Variants in DMBT1 observed in about 807,000 individuals in gnomAD.
DMBT1 encodes the protein deleted in malignant brain tumors 1, also known as scavenger receptor cysteine-rich domain-containing protein DMBT1.
Under a neutral mutation model 252.9 loss-of-function variants are expected in DMBT1, and 198 were observed. The ratio of observed to expected loss-of-function variants is 0.78; its 90% CI spans 0.70 to 0.88. The LOEUF is 0.88. Ranked by LOEUF, DMBT1 falls within the 40% of genes least tolerant of loss-of-function variation. The pLI, the probability that DMBT1 is intolerant of heterozygous loss-of-function variation, is 0.00. For synonymous variants in DMBT1, 990 were observed against 942.7 expected (o/e 1.05, Z -0.92); for missense variants, 2,432 against 2,404.7 (o/e 1.01, Z -0.24).
At chr10:122,625,184 C>T (rs1216256422) in intron 44 of DMBT1, 93 bp from the exon 45 acceptor site, 28 of 1,250,756 alleles carry the variant, frequency 2.2e-5, no homozygotes, top group Middle Eastern at 3.7e-4. Context: ...GGGAGCATTT[C>T]TAAGTGATGA....
intron 21 of DMBT1, among the ~76,000 whole-genome samples, 176 bp from the exon 22 acceptor site, chr10:122,594,320 C>T (rs1409404170): frequency 7.7e-6 from 1 of 129,954 alleles, no homozygotes; most frequent in African/African-American, 2.6e-5. Context: ...CCAGCAGGAC[C>T]TTTGTCCCTG....
In DMBT1 at chr10:122,617,326, A is replaced by T. The variant is rs866548417; in HGVS notation, c.4891+66A>T. 1.2e-5 allele frequency: 18 copies of T among 1,555,922 alleles called. No individual in the cohort carries two copies. The African/African-American group carries it at 2.5e-4, about 21-fold the overall frequency. Reference sequence around the variant, plus strand: ...TGGACATATTTTGTGTTTGAAACTGATAGGATGAGGCTCAAGGTGGGCCCC... The same window carrying T: ...TGGACATATTTTGTGTTTGAAACTGTTAGGATGAGGCTCAAGGTGGGCCCC... On this transcript the variant is annotated intron_variant, in intron 40 of 55. Transcript: ENST00000338354.
chr10:122,584,742 G>A (rs1565673377), intron 14 of DMBT1, among the ~76,000 whole-genome samples: 1 of 149,264 alleles, frequency 6.7e-6, no homozygotes, highest in East Asian at 2.1e-4. Flanking sequence ...CATGGCTGCC[G>A]CCATGGGCAA....
At chr10:122,570,416 T>A (rs1277406825) in intron 3 of DMBT1, among the ~76,000 whole-genome samples, 1 of 152,204 alleles carries the variant, frequency 6.6e-6, no homozygotes, top group Non-Finnish European at 1.5e-5. Context: ...GGGGGCATGG[T>A]CCTCCATGCA....
rs865948575 is a variant in DMBT1, at chr10:122,592,339, C to A, written c.2244C>A (p.Val748=). Residue 748 remains valine, a synonymous_variant, in exon 20 of 56, where the codon GTC becomes GTA. Transcript: ENST00000338354. The part of the protein sequence containing the change: ...GSDRCQGRVE[V]LYRGSWGTVC... ...ACAGGTGTCAGGGCCGAGTAGAGGT[C>A]CTATACCGAGGCTCCTGGGGCACCG... The A allele has an allele frequency of 1.9e-6, 3 of 1,587,948 alleles. No homozygotes were observed. Among genetic ancestry groups the A allele is most frequent in the Admixed American group, 1.7e-5 (1 of 59,528 alleles).
rs779483533 is a variant in DMBT1, at chr10:122,598,900, A to C, written c.3083A>C (p.Asn1028Thr). ...GACAGCTGGGACACCAATGATGCCA[A>C]TGTCGTCTGCAGGCAACTGGGCTGT... is the stretch of plus-strand genomic sequence containing the variant. The part of the protein sequence containing the change: ...CDDSWDTNDA[N>T]VVCRQLGCGW... The change falls in exon 26 of 56, where the codon AAT becomes ACT. Residue 1028 changes from asparagine to threonine, a missense_variant. By Grantham distance (65) the Asn-to-Thr change is moderately conservative. Around this residue, in one of 3 missense-constraint regions of DMBT1, gnomAD observed 1,264 missense variants for 1,082.2 expected, o/e 1.17. Coordinates refer to ENST00000338354, the MANE Select transcript of DMBT1 (RefSeq NM_001377530.1). 1 of 1,613,828 alleles carries C rather than the reference A, an allele frequency of 6.2e-7. No homozygotes were observed. The highest frequency in any genetic ancestry group is 8.5e-7 in the Non-Finnish European group (1 of 1,179,768).
chr10:122,566,853 A>C (rs979733698), intron 2 of DMBT1, among the ~76,000 whole-genome samples: 2 of 152,220 alleles, frequency 1.3e-5, no homozygotes, highest in African/African-American at 4.8e-5. Flanking sequence ...CCCATTTTGC[A>C]GATGGGAAAA....
rs778452960 is a variant in DMBT1 at position 122,585,309 on chromosome 10, G to T, written c.1459G>T (p.Gly487Ter). The T allele has an allele frequency of 6.3e-7, 1 of 1,586,292 alleles. No individual in the cohort carries two copies. The highest frequency in any genetic ancestry group is 1.2e-5 in the South Asian group (1 of 86,840). The change falls in exon 15 of 56, where the codon GGA (glycine) becomes TGA (stop). Residue 487 changes from glycine to a stop codon, truncating the protein, a stop_gained and splice_region_variant. Transcript: ENST00000338354. LOFTEE classifies it high-confidence loss of function. ...CATCACCTTACCTGCATCGACAGTA[G>T]GTAAATAATCCTCTCGCCCCTCCCT... The part of the protein sequence containing the change: ...PTITLPASTV[G>*]SESSLALRLV...
At chr10:122,576,113 T>A (rs2097709583) in intron 6 of DMBT1, among the ~76,000 whole-genome samples, 2 of 152,176 alleles carry the variant, frequency 1.3e-5, no homozygotes, top group African/African-American at 4.8e-5. Context: ...GAGCCCATGG[T>A]CTGCTTAGAG....
chr10:122,565,830 G>T, intron 1 of DMBT1, 137 bp from the exon 2 acceptor site: 1 of 772,636 alleles, frequency 1.3e-6, no homozygotes, highest in African/African-American at 1.7e-5. Flanking sequence ...TAGCAAGAAC[G>T]TCGGGGACAC....
At chr10:122,599,981 C>G (rs371021767) in intron 26 of DMBT1, 83 bp from the exon 27 acceptor site, 7 of 1,546,246 alleles carry the variant, frequency 4.5e-6, no homozygotes, top group Non-Finnish European at 6.2e-6. Context: ...GTGTCAGACT[C>G]GCCCATTTCT....
chr10:122,637,347 C>A (rs914191795), intron 54 of DMBT1, 35 bp downstream of exon 54: 3 of 1,554,436 alleles, frequency 1.9e-6, no homozygotes, highest in East Asian at 2.4e-5. Context: ...TTTCCCAGTG[C>A]ACAAGCTTTC....
intron 10 of DMBT1, 66 bp downstream of exon 10, chr10:122,579,967 T>G (rs1292683233): frequency 2.5e-6 from 4 of 1,609,638 alleles, no homozygotes; most frequent in Non-Finnish European, 3.4e-6. Context: ...AACTCCTAAT[T>G]ACATTCTGAT....
chr10:122,621,292 G>C lies in DMBT1; in HGVS notation c.5520G>C (p.Gly1840=). 6.2e-7 allele frequency: 1 copy of C among 1,613,826 alleles called. No individual in the cohort carries two copies. Among genetic ancestry groups the C allele is most frequent in the Non-Finnish European group, 8.5e-7 (1 of 1,179,734 alleles). ...PIVLDDVRCS[G]NESYLWSCPH... ...TCCTGGATGATGTGCGCTGCTCAGG[G>C]AATGAGTCCTACCTGTGGAGCTGCC... Residue 1840 remains glycine, a synonymous_variant, in exon 44 of 56, where the codon GGG becomes GGC. Coordinates refer to ENST00000338354, the MANE Select transcript of DMBT1 (RefSeq NM_001377530.1).
chr10:122,589,344 C>T (rs2097826245), intron 17 of DMBT1, 77 bp downstream of exon 17: 2 of 1,563,114 alleles, frequency 1.3e-6, no homozygotes, highest in Admixed American at 1.7e-5. Context: ...TTCTAATCTC[C>T]TCACTCAGAG....
At chr10:122,623,192 A>G (rs191945588) in intron 44 of DMBT1, among the ~76,000 whole-genome samples, 1 of 152,342 alleles carries the variant, frequency 6.6e-6, no homozygotes, top group Admixed American at 6.5e-5. Flanking sequence ...TTCACTTAAC[A>G]TAATGTTTTC....
At chr10:122,631,908 G>T (rs1337728444) in intron 50 of DMBT1, 33 bp downstream of exon 50, 2 of 1,608,944 alleles carry the variant, frequency 1.2e-6, no homozygotes, top group South Asian at 2.2e-5. Context: ...CCACTTCCCT[G>T]GTCTCCAGGT....
chr10:122,579,952 A>G (rs983829729), intron 10 of DMBT1, 51 bp downstream of exon 10: 28 of 1,612,294 alleles, frequency 1.7e-5, no homozygotes, highest in South Asian at 1.3e-4. Flanking sequence ...GTTTGCTCCA[A>G]AAGAAACTCC....
Position 122,633,207 on chromosome 10 carries a change from A to G in DMBT1, c.6414A>G (p.Gly2138=). ...ITRPNTDYSC[G]GFLSQPSGDF... ...TCCTGACAGCAGATTATTCCTGCGG[A>G]GGCTTCCTATCCCAACCATCAGGGG... is the stretch of plus-strand genomic sequence containing the variant. Residue 2138 remains glycine, a synonymous_variant, in exon 52 of 56, where the codon GGA becomes GGG. Transcript: ENST00000338354. 1 of 1,613,986 alleles carries G rather than the reference A, an allele frequency of 6.2e-7. No homozygotes were observed. The highest frequency in any genetic ancestry group is 8.5e-7 in the Non-Finnish European group (1 of 1,179,872).
Sources: gnomAD v4.1 joint callset for allele counts (sites outside exome capture counted in the v4.1 genomes callset) on GRCh38, gnomAD v4.1.1 for gene constraint, gnomAD v4.1.1 regional missense constraint, MANE v1.5 for transcripts, NCBI Gene and HGNC (gene_info 2026-07-23, HGNC 2026-07-21) for gene names.